The following PAX7 variants were observed in gnomAD, a reference collection of about 807,000 sequenced individuals.
PAX7 encodes the protein paired box protein Pax-7.
PAX7 carries 18 observed loss-of-function variants against 50.7 expected under a neutral mutation model. That is an observed-to-expected ratio of 0.36 (90% CI 0.25 to 0.53). The LOEUF (loss-of-function observed/expected upper bound fraction) is 0.53. Among genes scored for constraint, PAX7 ranks in the 20% least tolerant of loss-of-function variants. The probability of loss-of-function intolerance (pLI) is 0.93; values close to 1 mark genes in which losing one functional copy is unlikely to be tolerated. For synonymous variants in PAX7, 310 were observed against 290.4 expected (o/e 1.07, Z -0.69); for missense variants, 644 against 702.9 (o/e 0.92, Z 0.95).
At chr1:18,734,142 T>C (rs1365092399) in intron 7 of PAX7, among the ~76,000 whole-genome samples, 2 of 152,110 alleles carry the variant, frequency 1.3e-5, no homozygotes, top group Admixed American at 1.3e-4. Context: ...CTTCAGAAGG[T>C]GTCTAGTCGG....
intron 8 of PAX7, among the ~76,000 whole-genome samples, chr1:18,741,895 G>A (rs574651785): frequency 6.6e-6 from 1 of 152,316 alleles, no homozygotes; most frequent in East Asian, 1.9e-4. Flanking sequence ...TCCAGGCTCA[G>A]ACTGCCTGGG....
chr1:18,724,763 A>T (rs1054359148), intron 7 of PAX7, among the ~76,000 whole-genome samples: 4 of 152,238 alleles, frequency 2.6e-5, no homozygotes, highest in African/African-American at 9.6e-5. Flanking sequence ...TGATCTTGAA[A>T]ATGGAACAGG....
At position 18,700,190 on chromosome 1, in the gene PAX7, C is replaced by T. The variant is rs975893241; in HGVS notation, c.787-463C>T. Among the ~76,000 whole-genome samples, 1 of 151,866 alleles carries T rather than the reference C, an allele frequency of 6.6e-6. No individual in the cohort carries two copies. Among genetic ancestry groups the T allele is most frequent in the African/African-American group, 2.4e-5 (1 of 41,328 alleles). On this transcript the variant is annotated intron_variant, in intron 5 of 8. Coordinates refer to ENST00000420770, the MANE Select transcript of PAX7 (RefSeq NM_001135254.2). The surrounding 1 kb of genome is among the most constrained non-coding windows in gnomAD (Gnocchi z 4.8). ...GTCTCCAGAGAAAGAACCCGGCTTG[C>T]ACATCTGGGTCTGAAGTGCAGGTCT...
At chr1:18,675,607 T>C (rs2088812315) in intron 4 of PAX7, among the ~76,000 whole-genome samples, 2 of 152,188 alleles carry the variant, frequency 1.3e-5, no homozygotes, top group South Asian at 4.1e-4. Flanking sequence ...CCCCACCTGC[T>C]GTCCTGCTCT....
chr1:18,743,389 C>T (rs74741426), intron 8 of PAX7, among the ~76,000 whole-genome samples: 3 of 152,222 alleles, frequency 2.0e-5, no homozygotes, highest in Non-Finnish European at 4.4e-5. Context: ...GCCTCATCCT[C>T]AGGCCGTGCG....
intron 4 of PAX7, among the ~76,000 whole-genome samples, chr1:18,651,373 A>C (rs1296540868): frequency 1.3e-5 from 2 of 152,230 alleles, no homozygotes; most frequent in Non-Finnish European, 2.9e-5. Flanking sequence ...TTGCAAAAGT[A>C]ATATGTACTT....
intron 7 of PAX7, among the ~76,000 whole-genome samples, chr1:18,716,504 GT>G (rs535796740): frequency 2.0e-4 from 10 of 50,054 alleles, no homozygotes; most frequent in African/African-American, 5.6e-4. Context: ...GTTGTTTTTT[GT>G]TTTTTGTTTT....
intron 5 of PAX7, among the ~76,000 whole-genome samples, chr1:18,695,136 C>A (rs1488105243): frequency 6.6e-6 from 1 of 151,942 alleles, no homozygotes; most frequent in African/African-American, 2.4e-5. Flanking sequence ...CCTTTCCACC[C>A]TCCACCCATC....
At chr1:18,646,153 T>C (rs183227069) in intron 4 of PAX7, among the ~76,000 whole-genome samples, 25 of 152,348 alleles carry the variant, frequency 1.6e-4, no homozygotes, top group East Asian at 9.7e-4. Context: ...TTCTGAATGA[T>C]TGCAGAATCC....
At chr1:18,694,149 CA>C (rs1380121643) in intron 5 of PAX7, among the ~76,000 whole-genome samples, 2 of 152,168 alleles carry the variant, frequency 1.3e-5, no homozygotes, top group Admixed American at 6.5e-5. Context: ...GAAGAGGGAA[CA>C]AAAAACGTTT....
At chr1:18,705,192 C>A (rs1383687954) in intron 7 of PAX7, among the ~76,000 whole-genome samples, 4 of 152,206 alleles carry the variant, frequency 2.6e-5, no homozygotes, top group South Asian at 2.1e-4. Flanking sequence ...AGCCTGTCGG[C>A]CAGAATGTCT....
chr1:18,682,667 C>T (rs1024359464), intron 4 of PAX7, among the ~76,000 whole-genome samples: 1 of 152,208 alleles, frequency 6.6e-6, no homozygotes, highest in Admixed American at 6.5e-5. Flanking sequence ...ACCCCCTCCT[C>T]TGGGGCCAGC....
At chr1:18,669,854 G>A (rs984597130) in intron 4 of PAX7, among the ~76,000 whole-genome samples, 2 of 152,204 alleles carry the variant, frequency 1.3e-5, no homozygotes, top group African/African-American at 4.8e-5. Context: ...GGGAGGCCAA[G>A]GCAGGTGGAT....
intron 4 of PAX7, among the ~76,000 whole-genome samples, chr1:18,678,849 T>C (rs536441042): frequency 1.3e-5 from 2 of 152,276 alleles, no homozygotes; most frequent in Admixed American, 1.3e-4. Context: ...GTGGGCATGT[T>C]TGAGCCTGTG....
Position 18,635,209 on chromosome 1 carries a change from T to A in PAX7, c.420T>A (p.Asp140Glu), listed in dbSNP as rs1263667193. 6.2e-7 allele frequency: 1 copy of A among 1,613,774 alleles called. No individual in the cohort carries two copies. The highest frequency in any genetic ancestry group is 2.2e-5 in the East Asian group (1 of 44,850). Residue 140 changes from aspartate (D) to glutamate (E), a missense_variant, in exon 3 of 9, where the codon GAT becomes GAA. Physicochemically the swap from Asp to Glu is conservative, Grantham distance 45. Coordinates refer to ENST00000420770, the MANE Select transcript of PAX7 (RefSeq NM_001135254.2). Reference sequence around the variant, plus strand: ...AGATCCGGGACAGGCTGCTGAAGGATGGGCACTGTGACCGAAGCACTGTGC... The same window carrying A: ...AGATCCGGGACAGGCTGCTGAAGGAAGGGCACTGTGACCGAAGCACTGTGC... ...SWEIRDRLLK[D>E]GHCDRSTVPS...
intron 4 of PAX7, among the ~76,000 whole-genome samples, chr1:18,651,675 C>T (rs2088432714): frequency 6.6e-6 from 1 of 152,118 alleles, no homozygotes; most frequent in Non-Finnish European, 1.5e-5. Context: ...GAGAGAGATT[C>T]CGAGTGTTCC....
At chr1:18,695,018 G>A (rs913672765) in intron 5 of PAX7, among the ~76,000 whole-genome samples, 1 of 152,040 alleles carries the variant, frequency 6.6e-6, no homozygotes, top group Non-Finnish European at 1.5e-5. Context: ...TTTTCCAATC[G>A]TATAATATCT....
Position 18,747,693 on chromosome 1 carries a change from A to G in PAX7, c.*2764A>G, listed in dbSNP as rs562364193. 4.9e-6 allele frequency: 1 copy of G among 205,198 alleles called. No homozygotes were observed. The highest frequency in any genetic ancestry group is 1.0e-5 in the Non-Finnish European group (1 of 100,380). 12.7% of individuals were successfully genotyped at this position (205,198 alleles called of 1,614,324 possible). On this transcript the variant is annotated 3_prime_UTR_variant, in exon 9 of 9. Coordinates refer to ENST00000420770, the MANE Select transcript of PAX7 (RefSeq NM_001135254.2). Reference sequence around the variant, plus strand: ...AAATAAGAGCTGCTTCCTCCAACTTATCACAAGTCGCCGTTGGTCCTCTCT... The same window carrying G: ...AAATAAGAGCTGCTTCCTCCAACTTGTCACAAGTCGCCGTTGGTCCTCTCT...
intron 7 of PAX7, among the ~76,000 whole-genome samples, chr1:18,731,187 A>G (rs2089641907): frequency 6.6e-6 from 1 of 152,202 alleles, no homozygotes; most frequent in Non-Finnish European, 1.5e-5. Context: ...AACTTCCTCA[A>G]GTTGAAAAGT....
Sources: gnomAD v4.1 joint callset for allele counts (sites outside exome capture counted in the v4.1 genomes callset) on GRCh38, gnomAD v4.1.1 for gene constraint, Gnocchi (gnomAD v3.1) non-coding constraint, MANE v1.5 for transcripts, NCBI Gene and HGNC (gene_info 2026-07-23, HGNC 2026-07-21) for gene names.